The following CEP131 variants were observed in gnomAD, a reference collection of about 807,000 sequenced individuals.
CEP131 encodes the protein centrosomal protein of 131 kDa.
Under a neutral mutation model 136.8 loss-of-function variants are expected in CEP131, and 99 were observed. The ratio of observed to expected loss-of-function variants is 0.72; its 90% CI spans 0.62 to 0.86. The LOEUF (loss-of-function observed/expected upper bound fraction) is 0.86. Among genes scored for constraint, CEP131 ranks in the 40% least tolerant of loss-of-function variants. The pLI is 0.00. For missense variants in CEP131, 1,459 were observed against 1,463.0 expected (o/e 1.00, Z 0.04); for synonymous variants, 646 against 612.7 (o/e 1.05, Z -0.80).
At chr17:81,202,219 C>A (rs201864485) in intron 7 of CEP131, 21 bp downstream of exon 7, 245 of 1,552,956 alleles carry the variant, frequency 1.6e-4, no homozygotes, top group Middle Eastern at 1.5e-3. Context: ...GGCCCCCCCC[C>A]ACCGCCCCAA....
At chr17:81,199,638 G>T in intron 9 of CEP131, 81 bp downstream of exon 9, 1 of 1,596,318 alleles carries the variant, frequency 6.3e-7, no homozygotes, top group East Asian at 2.2e-5. Flanking sequence ...AGTGTCCCGG[G>T]GCCCAGGGAG....
At chr17:81,197,407 G>A (rs1598280385) in intron 13 of CEP131, 1 of 533,980 alleles carries the variant, frequency 1.9e-6, no homozygotes, top group East Asian at 3.4e-5. Context: ...GCTCCAGAGG[G>A]CTGAACTATC....
intron 13 of CEP131, 74 bp from the exon 14 acceptor site, chr17:81,197,129 T>C: frequency 6.6e-7 from 1 of 1,508,236 alleles, no homozygotes; most frequent in East Asian, 2.4e-5. Flanking sequence ...ACGATGCCCC[T>C]GCGGCCCTGC....
rs369794900 is a variant in CEP131, at chr17:81,192,480, T to C, written c.2543A>G (p.His848Arg). The change falls in exon 20 of 26, where the codon CAC becomes CGC. Residue 848 changes from histidine (H) to arginine (R), a missense_variant. By Grantham distance (29) the His-to-Arg change is conservative (BLOSUM62 0). Transcript: ENST00000450824. Reference sequence around the variant, plus strand: ...CACAGCCCTCCGGTGGTAGACCTGGTGCCGGCGCTCCTGCTCCTCCCTGCC... The same window carrying C: ...CACAGCCCTCCGGTGGTAGACCTGGCGCCGGCGCTCCTGCTCCTCCCTGCC... ...EKGREEQERR[H>R]QMELNTLKQQ... 1.9e-6 allele frequency: 3 copies of C among 1,611,864 alleles called. No homozygotes were observed. The African/African-American group carries it at 4.0e-5, about 21-fold the overall frequency.
chr17:81,190,721 C>CA lies in CEP131; in HGVS notation c.3024dup (p.Glu1009Ter). 6.2e-7 allele frequency: 1 copy of CA among 1,610,514 alleles called. No individual in the cohort carries two copies. Among genetic ancestry groups the CA allele is most frequent in the Non-Finnish European group, 8.5e-7 (1 of 1,179,234 alleles). Reference sequence around the variant, plus strand: ...GCCTTGGCCTGCCGCGTCTCCTCCTCAGAGGCTGCCAGCCGGTCCTCGAAC... The same window carrying CA: ...GCCTTGGCCTGCCGCGTCTCCTCCTCAAGAGGCTGCCAGCCGGTCCTCGAAC... On this transcript the variant is annotated frameshift_variant, in exon 24 of 26. Coordinates refer to ENST00000450824, the MANE Select transcript of CEP131 (RefSeq NM_014984.4). LOFTEE classifies it high-confidence loss of function.
intron 15 of CEP131, 28 bp downstream of exon 15, chr17:81,196,673 G>A (rs776033705): frequency 1.7e-5 from 27 of 1,592,424 alleles, no homozygotes; most frequent in African/African-American, 1.2e-4. Flanking sequence ...CGCTGGGTCC[G>A]GGCCTCTGCG....
At chr17:81,201,448 C>T (rs2061889120) in intron 7 of CEP131, among the ~76,000 whole-genome samples, 1 of 152,190 alleles carries the variant, frequency 6.6e-6, no homozygotes, top group African/African-American at 2.4e-5. Context: ...GGCAGGGGCA[C>T]AGCCCCCAAC....
intron 19 of CEP131, 62 bp downstream of exon 19, chr17:81,192,674 G>GTT: frequency 7.5e-7 from 1 of 1,329,040 alleles, no homozygotes; most frequent in Non-Finnish European, 1.0e-6. Flanking sequence ...GTGAGGGGGC[G>GTT]GGGGGGAGGG....
chr17:81,194,229 G>T, intron 17 of CEP131, 102 bp from the exon 18 acceptor site: 1 of 1,115,122 alleles, frequency 9.0e-7, no homozygotes, highest in Non-Finnish European at 1.2e-6. Context: ...AGGGGACCCC[G>T]CCCACCCAGG....
intron 2 of CEP131, among the ~76,000 whole-genome samples, chr17:81,217,896 C>T (rs1030977563): frequency 2.5e-4 from 38 of 152,120 alleles, no homozygotes; most frequent in African/African-American, 8.7e-4. Context: ...GGGTCGGCCG[C>T]GGATAGAGCC....
At position 81,219,326 on chromosome 17, in the gene CEP131, A is replaced by C. The variant is rs1598330219; in HGVS notation, c.177+554T>G. ...TTTTTTTTTTTTGAGATGGCATCTC[A>C]CTCTGTCGCCAGGCTGGAGTGCAAC... is the stretch of plus-strand genomic sequence containing the variant. On this transcript the variant is annotated intron_variant, in intron 2 of 25. Coordinates refer to ENST00000450824, the MANE Select transcript of CEP131 (RefSeq NM_014984.4). The surrounding 1 kb of genome is among the most constrained non-coding windows in gnomAD (Gnocchi z 4.0). 4.7e-5 allele frequency among the ~76,000 whole-genome samples: 6 copies of C among 127,154 alleles called. No homozygotes were observed. Among genetic ancestry groups the C allele is most frequent in the Admixed American group, 9.2e-5 (1 of 10,818 alleles). 83.4% of individuals were successfully genotyped at this position (127,154 alleles called of 152,430 possible).
chr17:81,210,504 A>G (rs2062108515), intron 2 of CEP131, among the ~76,000 whole-genome samples: 1 of 152,024 alleles, frequency 6.6e-6, no homozygotes, highest in East Asian at 1.9e-4. Context: ...TGAGAGGCGG[A>G]GGTTGCAGTG....
At position 81,189,978 on chromosome 17, in the gene CEP131, G is replaced by GT. The variant is rs1409651062; in HGVS notation, c.3108-4dup. ...TCCTCGCGAGGGCTGTCTTCACCCT[G>GT]TGGGTAGTACATGGTAGGCTTCAGT... On this transcript the variant is annotated splice_region_variant and splice_polypyrimidine_tract_variant and intron_variant, in intron 24 of 25. Transcript: ENST00000450824. 3.7e-6 allele frequency: 6 copies of GT among 1,606,882 alleles called. No individual in the cohort carries two copies. In the African/African-American group the frequency reaches 8.0e-5, roughly 21 times the overall value.
chr17:81,221,511 C>T (rs1445601531), intron 1 of CEP131, among the ~76,000 whole-genome samples: 3 of 152,214 alleles, frequency 2.0e-5, no homozygotes, highest in Non-Finnish European at 2.9e-5. Flanking sequence ...TCTGTGACCT[C>T]GCCAGCTCCC....
intron 11 of CEP131, among the ~76,000 whole-genome samples, 182 bp downstream of exon 11, chr17:81,198,695 C>G (rs1254668132): frequency 6.6e-6 from 1 of 152,222 alleles, no homozygotes; most frequent in Non-Finnish European, 1.5e-5. Context: ...CAAAGGCTCC[C>G]CAAGAGGCAG....
Position 81,192,855 on chromosome 17 carries a change from T to A in CEP131, c.2322-12A>T, listed in dbSNP as rs781159637. On this transcript the variant is annotated splice_polypyrimidine_tract_variant and intron_variant, in intron 18 of 25. Coordinates refer to ENST00000450824, the MANE Select transcript of CEP131 (RefSeq NM_014984.4). ...GGTGCTGCTGGAACCTGCGGGACGG[T>A]CAGGACTGGCTCTCGGGGGCCGGGA... 4 of 1,595,394 alleles carry A rather than the reference T, an allele frequency of 2.5e-6. No homozygotes were observed. The highest frequency in any genetic ancestry group is 3.3e-5 in the Admixed American group (2 of 59,780).
At position 81,194,020 on chromosome 17, in the gene CEP131, G is replaced by C. The variant is rs1244035878; in HGVS notation, c.2227C>G (p.Gln743Glu). The change falls in exon 18 of 26, where the codon CAG becomes GAG. Residue 743 changes from glutamine (Q) to glutamate (E), a missense_variant. Physicochemically the swap from Gln to Glu is conservative, Grantham distance 29 (BLOSUM62 2). Coordinates refer to ENST00000450824, the MANE Select transcript of CEP131 (RefSeq NM_014984.4). ...TCCTCGGCCTGGCGCAGGCAGCGCTGCGAGGCCCGCTCATCCGACTGCAGC... is the reference window on the plus strand; with the variant it reads ...TCCTCGGCCTGGCGCAGGCAGCGCTCCGAGGCCCGCTCATCCGACTGCAGC... The part of the protein sequence containing the change: ...ELLQSDERAS[Q>E]RCLRQAEELR... 2.5e-6 allele frequency: 4 copies of C among 1,570,888 alleles called. No individual in the cohort carries two copies. The highest frequency in any genetic ancestry group is 3.7e-5 in the Admixed American group (2 of 54,472).
At chr17:81,198,844 C>T (rs751882219) in intron 11 of CEP131, 33 bp downstream of exon 11, 48 of 1,553,674 alleles carry the variant, frequency 3.1e-5, no homozygotes, top group Non-Finnish European at 4.1e-5. Context: ...AAGCCAAAAA[C>T]CATGATGGAG....
chr17:81,192,214 C>T, intron 21 of CEP131, 104 bp downstream of exon 21: 1 of 1,089,954 alleles, frequency 9.2e-7, no homozygotes, highest in Non-Finnish European at 1.3e-6. Flanking sequence ...AAACGAGCCC[C>T]CAGGATGCCA....
Sources: allele counts gnomAD v4.1 joint callset (sites outside exome capture counted in the v4.1 genomes callset), GRCh38; gene constraint gnomAD v4.1.1; non-coding constraint Gnocchi (gnomAD v3.1); transcripts MANE v1.5; gene names NCBI Gene and HGNC (gene_info 2026-07-23, HGNC 2026-07-21).